CFAP20DC: variants seen among roughly 807,000 people sequenced by gnomAD.
CFAP20DC encodes the protein protein CFAP20DC.
A neutral mutation model predicts 101.7 loss-of-function variants in CFAP20DC; 84 were observed. The observed-to-expected ratio is 0.83, with a 90% CI of 0.69 to 0.99. The LOEUF (loss-of-function observed/expected upper bound fraction) is 0.99. Among genes scored for constraint, CFAP20DC ranks in the 50% least tolerant of loss-of-function variants. The pLI is 0.00. For synonymous variants in CFAP20DC, 359 were observed against 351.2 expected, an observed-to-expected ratio of 1.02 and a Z score of -0.25; for missense variants, 1,007 against 970.3, an observed-to-expected ratio of 1.04 and a Z score of -0.50.
intron 3 of CFAP20DC, among the ~76,000 whole-genome samples, chr3:59,045,717 AATAAGT>A (rs1199369941): frequency 2.0e-5 from 3 of 152,148 alleles, no homozygotes; most frequent in African/African-American, 7.2e-5. Context: ...ATTAAAAGGT[AATAAGT>A]ATATGAGTTG....
chr3:58,905,727 C>T (rs917173984), intron 6 of CFAP20DC, among the ~76,000 whole-genome samples: 24 of 152,290 alleles, frequency 1.6e-4, no homozygotes, highest in African/African-American at 5.3e-4. Flanking sequence ...TAAATCAAAT[C>T]CCAGTGTGGA....
intron 15 of CFAP20DC, chr3:58,794,327 A>T (rs2073076410): frequency 2.2e-6 from 1 of 455,964 alleles, no homozygotes. Flanking sequence ...AAAGGACCTA[A>T]AGGCTTTTAA....
rs1399198234 is a variant in CFAP20DC at position 59,007,495 on chromosome 3, A to G, written c.278+32062T>C. Among the ~76,000 whole-genome samples, 2 of 152,228 alleles carry G rather than the reference A, an allele frequency of 1.3e-5. No individual in the cohort carries two copies. Among genetic ancestry groups the G allele is most frequent in the Non-Finnish European group, 2.9e-5 (2 of 68,044 alleles). ...TCCCAGCAAGGAGAAAACAACAGCTATGGCTAACAAGAGGGCCTGAGTCTG... is the reference window on the plus strand; with the variant it reads ...TCCCAGCAAGGAGAAAACAACAGCTGTGGCTAACAAGAGGGCCTGAGTCTG... On this transcript the variant is annotated intron_variant, in intron 4 of 16. Coordinates refer to ENST00000482387, the MANE Select transcript of CFAP20DC (RefSeq NM_001394063.1). The surrounding 1 kb of genome is among the most constrained non-coding windows in gnomAD (Gnocchi z 4.4).
Position 58,868,632 on chromosome 3 carries a change from T to A in CFAP20DC, c.1015+696A>T, listed in dbSNP as rs2079889118. Among the ~76,000 whole-genome samples, 1 of 152,214 alleles carries A rather than the reference T, an allele frequency of 6.6e-6. No individual in the cohort carries two copies. The highest frequency in any genetic ancestry group is 2.4e-5 in the African/African-American group (1 of 41,450). Reference sequence around the variant, plus strand: ...GGCCTCACTGACAGGCAGCTAGGGCTGGATTTCTATCTATCCATTTCCTTA... The same window carrying A: ...GGCCTCACTGACAGGCAGCTAGGGCAGGATTTCTATCTATCCATTTCCTTA... On this transcript the variant is annotated intron_variant, in intron 9 of 16. Coordinates refer to ENST00000482387, the MANE Select transcript of CFAP20DC (RefSeq NM_001394063.1). This position sits in a 1 kb window ranked among gnomAD's most constrained non-coding sequence, Gnocchi z 4.6.
chr3:58,736,505 A>C (rs2067759933), intron 3 of CFAP20DC, among the ~76,000 whole-genome samples: 1 of 152,234 alleles, frequency 6.6e-6, no homozygotes, highest in South Asian at 2.1e-4. Flanking sequence ...CTGGCATACT[A>C]TCAGAATAAA....
intron 15 of CFAP20DC, among the ~76,000 whole-genome samples, chr3:58,789,477 AC>A (rs2072667118): frequency 1.3e-5 from 2 of 152,148 alleles, no homozygotes; most frequent in African/African-American, 4.8e-5. Flanking sequence ...GTTTGGTTAT[AC>A]CTTTCTGTTC....
chr3:59,031,850 G>A (rs1035282985), intron 4 of CFAP20DC, among the ~76,000 whole-genome samples: 4 of 152,100 alleles, frequency 2.6e-5, no homozygotes, highest in African/African-American at 4.8e-5. Context: ...TTCTTAGTTT[G>A]TACCAAACTT....
chr3:59,000,694 G>T (rs1382055501), intron 4 of CFAP20DC, among the ~76,000 whole-genome samples: 1 of 152,144 alleles, frequency 6.6e-6, no homozygotes, highest in African/African-American at 2.4e-5. Context: ...GAGGCAGAGA[G>T]TGGGTGGCAA....
chr3:58,975,419 C>T (rs112548316), intron 4 of CFAP20DC, among the ~76,000 whole-genome samples: 17 of 152,138 alleles, frequency 1.1e-4, no homozygotes, highest in Non-Finnish European at 1.3e-4. Context: ...AAATGTTGGC[C>T]AAATTATATA....
rs535779525 is a variant in CFAP20DC, at chr3:58,795,100, T to C, written c.2237+11295A>G. On this transcript the variant is annotated intron_variant, in intron 15 of 16. Coordinates refer to ENST00000482387, the MANE Select transcript of CFAP20DC (RefSeq NM_001394063.1). The surrounding 1 kb of genome is among the most constrained non-coding windows in gnomAD (Gnocchi z 4.2). ...CCACCTCCAGACAGAATGGAGGTGA[T>C]TGTTATAAACTAGAATTAGTACTTC... 1.3e-5 allele frequency among the ~76,000 whole-genome samples: 2 copies of C among 152,324 alleles called. No homozygotes were observed. Among genetic ancestry groups the C allele is most frequent in the African/African-American group, 4.8e-5 (2 of 41,576 alleles).
At chr3:58,926,302 G>C (rs546289880) in intron 5 of CFAP20DC, among the ~76,000 whole-genome samples, 145 of 151,882 alleles carry the variant, frequency 9.5e-4, no homozygotes, top group Non-Finnish European at 1.6e-3. Flanking sequence ...AGAGGCAGAG[G>C]TTGCAGTGAG....
intron 5 of CFAP20DC, among the ~76,000 whole-genome samples, chr3:58,925,454 A>G (rs932564715): frequency 6.6e-6 from 1 of 152,222 alleles, no homozygotes; most frequent in Non-Finnish European, 1.5e-5. Flanking sequence ...ACCATGTTCC[A>G]TTCACCTTTG....
intron 15 of CFAP20DC, among the ~76,000 whole-genome samples, chr3:58,768,564 T>C (rs2070546462): frequency 1.3e-5 from 2 of 152,216 alleles, no homozygotes; most frequent in Non-Finnish European, 2.9e-5. Context: ...TCCTAGTCTA[T>C]GTTTCTAGCA....
Position 58,717,407 on chromosome 3 carries a change from A to G in CFAP20DC, c.*181T>C, listed in dbSNP as rs575344928. On this transcript the variant is annotated 3_prime_UTR_variant, in exon 4 of 4. Coordinates refer to the CFAP20DC transcript ENST00000486145. The surrounding 1 kb of genome is among the most constrained non-coding windows in gnomAD (Gnocchi z 4.1). ...ATGTAATCTCTTTCCGCTCAAGTTC[A>G]TGAAACTCTGAATTGTGTCCAAGGA... The G allele has an allele frequency of 1.9e-4, 43 of 227,284 alleles. 1 individual carries two copies. The highest frequency in any genetic ancestry group is 8.6e-4 in the African/African-American group (37 of 43,036). 14.1% of individuals were successfully genotyped at this position (227,284 alleles called of 1,614,324 possible).
intron 15 of CFAP20DC, among the ~76,000 whole-genome samples, chr3:58,775,821 C>A (rs2071285184): frequency 1.3e-5 from 2 of 150,790 alleles, no homozygotes; most frequent in Admixed American, 6.6e-5. Context: ...TCTCGTCTCA[C>A]CACAACCTCC....
chr3:58,822,765 A>G (rs1467792842), intron 14 of CFAP20DC, among the ~76,000 whole-genome samples: 3 of 152,112 alleles, frequency 2.0e-5, no homozygotes, highest in Non-Finnish European at 4.4e-5. Flanking sequence ...CTACAAATGG[A>G]TATTGATGGA....
At chr3:58,850,582 C>G (rs543846067) in intron 12 of CFAP20DC, among the ~76,000 whole-genome samples, 1 of 146,430 alleles carries the variant, frequency 6.8e-6, no homozygotes, top group African/African-American at 2.5e-5. Flanking sequence ...CAGCAAAACT[C>G]CATCTCAAAA....
chr3:58,740,906 T>G (rs2107120504), downstream of CFAP20DC, among the ~76,000 whole-genome samples: 1 of 152,336 alleles, frequency 6.6e-6, no homozygotes, highest in South Asian at 2.1e-4. This position sits in a 1 kb window ranked among gnomAD's most constrained non-coding sequence, Gnocchi z 4.6. Context: ...TTGGAAAGCT[T>G]AATTTATTCA....
chr3:58,903,240 G>GA (rs1422373503), intron 6 of CFAP20DC, among the ~76,000 whole-genome samples: 1 of 152,072 alleles, frequency 6.6e-6, no homozygotes, highest in Non-Finnish European at 1.5e-5. Flanking sequence ...GCAAGGTCAT[G>GA]AAGATTTACC....
Sources: gnomAD v4.1 joint callset for allele counts (sites outside exome capture counted in the v4.1 genomes callset) on GRCh38, gnomAD v4.1.1 for gene constraint, Gnocchi (gnomAD v3.1) non-coding constraint, MANE v1.5 for transcripts, NCBI Gene and HGNC (gene_info 2026-07-23, HGNC 2026-07-21) for gene names.